Variants in SYN2 observed in about 807,000 individuals in gnomAD.
SYN2 encodes synapsin-2.
Under a neutral mutation model 50.9 loss-of-function variants are expected in SYN2, and 19 were observed. That is an observed-to-expected ratio of 0.37 (90% CI 0.26 to 0.55). SYN2 has a LOEUF of 0.55. Ranked by LOEUF, SYN2 falls within the 20% of genes least tolerant of loss-of-function variation. The probability of loss-of-function intolerance (pLI) is 0.81; values close to 1 mark genes in which losing one functional copy is unlikely to be tolerated. For missense variants in SYN2, 587 were observed against 576.4 expected (o/e 1.02, Z -0.19); for synonymous variants, 255 against 224.9 (o/e 1.13, Z -1.20).
At chr3:12,029,850 CT>C (rs1694343101) in intron 1 of SYN2, among the ~76,000 whole-genome samples, 1 of 100,906 alleles carries the variant, frequency 9.9e-6, no homozygotes, top group African/African-American at 5.3e-5. Flanking sequence ...TCCTCTTTTC[CT>C]AATTGAATAC....
At chr3:12,080,548 T>C (rs1479445815) in intron 1 of SYN2, among the ~76,000 whole-genome samples, 2 of 152,196 alleles carry the variant, frequency 1.3e-5, no homozygotes, top group Admixed American at 6.5e-5. Context: ...TCTGCCTTAA[T>C]TTTATTATTT....
chr3:12,004,900 C>A lies in SYN2; in HGVS notation c.349C>A (p.Leu117Met). Residue 117 changes from leucine (L) to methionine (M), a missense_variant, in exon 1 of 13, where the codon CTG becomes ATG. Leu to Met is a conservative substitution (Grantham distance 15). Coordinates refer to ENST00000621198, the MANE Select transcript of SYN2 (RefSeq NM_133625.6). The stretch of plus-strand genomic sequence containing the variant: ...AGCCGCCAGGAAGGCCAAGGTGCTG[C>A]TGGTGGTCGACGAGCCGCACGCCGA... The part of the protein sequence containing the change: ...PAAARKAKVL[L>M]VVDEPHADWA... 1 of 582,900 alleles carries A rather than the reference C, an allele frequency of 1.7e-6. No individual in the cohort carries two copies. Among genetic ancestry groups the A allele is most frequent in the Non-Finnish European group, 3.1e-6 (1 of 325,928 alleles). 36.1% of individuals were successfully genotyped at this position (582,900 alleles called of 1,614,324 possible).
chr3:12,118,306 A>G (rs1335763003), intron 1 of SYN2, among the ~76,000 whole-genome samples: 1 of 152,240 alleles, frequency 6.6e-6, no homozygotes, highest in African/African-American at 2.4e-5. Context: ...ACTCATGCCT[A>G]TAATCCCAGC....
chr3:12,092,519 A>G (rs150262179), intron 1 of SYN2, among the ~76,000 whole-genome samples: 1 of 152,304 alleles, frequency 6.6e-6, no homozygotes, highest in African/African-American at 2.4e-5. Flanking sequence ...TGAAGAGAGT[A>G]AAATTTCTCC....
In SYN2 at chr3:12,004,817, C is replaced by G. The variant is rs1349190245; in HGVS notation, c.266C>G (p.Ala89Gly). 2.1e-6 allele frequency: 1 copy of G among 477,514 alleles called. No individual in the cohort carries two copies. Among genetic ancestry groups the G allele is most frequent in the Non-Finnish European group, 3.7e-6 (1 of 273,302 alleles). The allele number at this position is 477,514 out of a possible 1,614,324, so 29.6% of individuals were successfully genotyped here. The change falls in exon 1 of 13, where the codon GCC (alanine) becomes GGC (glycine). Residue 89 changes from alanine to glycine, a missense_variant. By Grantham distance (60) the Ala-to-Gly change is moderately conservative. Coordinates refer to ENST00000621198, the MANE Select transcript of SYN2 (RefSeq NM_133625.6). ...AGCTTCTTCAGCTCGCTGTCCCAAG[C>G]CGTGAAGCAGACGGCCGCCTCGGCT... ...GSSFFSSLSQ[A>G]VKQTAASAGL...
chr3:12,189,566 T>C (rs550043680), intron 12 of SYN2, among the ~76,000 whole-genome samples: 47 of 152,176 alleles, frequency 3.1e-4, no homozygotes, highest in African/African-American at 1.1e-3. Context: ...CCCAGCACTT[T>C]AGGAGGCAGA....
At chr3:12,091,885 G>A (rs1410547415) in intron 1 of SYN2, among the ~76,000 whole-genome samples, 2 of 152,120 alleles carry the variant, frequency 1.3e-5, no homozygotes, top group Non-Finnish European at 2.9e-5. Flanking sequence ...AGGCAGGTGT[G>A]TTTATTGCAA....
intron 1 of SYN2, among the ~76,000 whole-genome samples, chr3:12,114,116 CTTT>C (rs879363432): frequency 6.9e-6 from 1 of 144,544 alleles, no homozygotes; most frequent in Non-Finnish European, 1.5e-5. Context: ...AATAGTCCAT[CTTT>C]TTTTTTTTTT....
intron 10 of SYN2, among the ~76,000 whole-genome samples, chr3:12,179,911 G>T (rs1331000011): frequency 6.6e-6 from 1 of 152,088 alleles, no homozygotes; most frequent in South Asian, 2.1e-4. Context: ...TGAGCCTGTC[G>T]TCACTCTGTA....
At chr3:12,065,201 C>T (rs1695190056) in intron 1 of SYN2, among the ~76,000 whole-genome samples, 1 of 152,102 alleles carries the variant, frequency 6.6e-6, no homozygotes, top group Non-Finnish European at 1.5e-5. Flanking sequence ...CAAAAAACAA[C>T]AGATGCTGGT....
intron 1 of SYN2, among the ~76,000 whole-genome samples, chr3:12,039,551 T>A (rs1354703502): frequency 1.4e-4 from 5 of 35,422 alleles, no homozygotes; most frequent in Non-Finnish European, 3.4e-4. Context: ...AAGCAAAGAT[T>A]TTTTTTTTTT....
intron 1 of SYN2, among the ~76,000 whole-genome samples, chr3:12,101,025 C>T (rs150348897): frequency 1.3e-5 from 2 of 152,294 alleles, no homozygotes; most frequent in African/African-American, 2.4e-5. Flanking sequence ...TCATACACCA[C>T]TACTGGGAAT....
chr3:12,121,708 G>A (rs142613448), intron 1 of SYN2, among the ~76,000 whole-genome samples: 1 of 151,078 alleles, frequency 6.6e-6, no homozygotes, highest in African/African-American at 2.4e-5. Context: ...GCAGGGAGGA[G>A]GGAGGAAGGG....
intron 10 of SYN2, among the ~76,000 whole-genome samples, chr3:12,175,548 T>C: frequency 6.6e-6 from 1 of 152,240 alleles, no homozygotes; most frequent in Admixed American, 6.5e-5. Context: ...TAGGAGCTGC[T>C]CCTGCCCAGA....
At chr3:12,162,273 G>A in intron 7 of SYN2, 119 bp downstream of exon 7, 1 of 1,330,112 alleles carries the variant, frequency 7.5e-7, no homozygotes, top group Non-Finnish European at 1.0e-6. Flanking sequence ...TTTTTTACCT[G>A]GGTTCCTTTT....
At chr3:12,078,273 A>C (rs1386143784) in intron 1 of SYN2, among the ~76,000 whole-genome samples, 1 of 152,194 alleles carries the variant, frequency 6.6e-6, no homozygotes, top group Non-Finnish European at 1.5e-5. Context: ...TTGCCTGTTC[A>C]CAGTGATTAT....
chr3:12,015,925 C>G (rs1379208776), intron 1 of SYN2, among the ~76,000 whole-genome samples: 2 of 152,206 alleles, frequency 1.3e-5, no homozygotes, highest in Non-Finnish European at 2.9e-5. Context: ...ATCTCTTTCT[C>G]TGTTCAGGGG....
intron 1 of SYN2, among the ~76,000 whole-genome samples, chr3:12,007,554 G>C (rs1472507593): frequency 6.6e-6 from 1 of 152,166 alleles, no homozygotes; most frequent in Non-Finnish European, 1.5e-5. Flanking sequence ...CACAGTTTAA[G>C]CTACCTAGAT....
At chr3:12,021,422 A>G (rs1238011825) in intron 1 of SYN2, among the ~76,000 whole-genome samples, 1 of 152,148 alleles carries the variant, frequency 6.6e-6, no homozygotes, top group East Asian at 1.9e-4. Flanking sequence ...TGCCCATTTT[A>G]ACATGTATTT....
Sources: gnomAD v4.1 joint callset for allele counts (sites outside exome capture counted in the v4.1 genomes callset) on GRCh38, gnomAD v4.1.1 for gene constraint, MANE v1.5 for transcripts, NCBI Gene and HGNC (gene_info 2026-07-23, HGNC 2026-07-21) for gene names.